The following IL33 variants were observed in gnomAD, a reference collection of about 807,000 sequenced individuals.
The protein encoded by IL33 is interleukin-33.
In IL33, 37 loss-of-function variants were observed where a neutral mutation model predicts 27.3. The ratio of observed to expected loss-of-function variants is 1.36; its 90% CI spans 1.04 to 1.78. The LOEUF is 1.78. IL33 is among the 40% of genes most tolerant of loss of function. The pLI is 0.00. For synonymous variants in IL33, 132 were observed against 102.9 expected (o/e 1.28, Z -1.71); for missense variants, 406 against 311.4 (o/e 1.30, Z -2.29).
chr9:6,224,586 T>C (rs1185877846), intron 1 of IL33, among the ~76,000 whole-genome samples: 1 of 152,190 alleles, frequency 6.6e-6, no homozygotes, highest in Non-Finnish European at 1.5e-5. Flanking sequence ...GAATCAAAAG[T>C]GACTTAATAG....
chr9:6,235,580 A>G (rs1456221213), intron 1 of IL33, among the ~76,000 whole-genome samples: 1 of 152,210 alleles, frequency 6.6e-6, no homozygotes, highest in African/African-American at 2.4e-5. Flanking sequence ...AGTGAAATCT[A>G]AACATAAATG....
intron 4 of IL33, 147 bp from the exon 5 acceptor site, chr9:6,252,719 T>C (rs1332038947): frequency 3.4e-6 from 3 of 873,042 alleles, no homozygotes; most frequent in African/African-American, 1.7e-5. Flanking sequence ...CTTTTAGCTA[T>C]GTAAAACTTG....
chr9:6,226,776 G>A lies in IL33; in HGVS notation c.-12+10924G>A, dbSNP rs1411062014. 2.6e-5 allele frequency among the ~76,000 whole-genome samples: 4 copies of A among 152,144 alleles called. No individual in the cohort carries two copies. In the East Asian group the frequency reaches 7.7e-4, roughly 29 times the overall value. On this transcript the variant is annotated intron_variant, in intron 1 of 7. Coordinates refer to ENST00000682010, the MANE Select transcript of IL33 (RefSeq NM_033439.4). ...ATTTCTGCTTGTTCTAATACACAAA[G>A]GCTTTGTGGCTTTCTGCTACCTGTT...
At chr9:6,244,911 G>T (rs1301417755) in intron 2 of IL33, among the ~76,000 whole-genome samples, 1 of 152,176 alleles carries the variant, frequency 6.6e-6, no homozygotes. Context: ...AACCACTGCA[G>T]GTGTCCCCAC....
chr9:6,216,795 G>A (rs1818165713), intron 1 of IL33, among the ~76,000 whole-genome samples: 1 of 152,118 alleles, frequency 6.6e-6, no homozygotes, highest in Admixed American at 6.5e-5. Flanking sequence ...TTCACAAAGA[G>A]GATTAGAGAT....
At chr9:6,253,061 C>T (rs1816503147) in intron 5 of IL33, 70 bp downstream of exon 5, 1 of 1,082,298 alleles carries the variant, frequency 9.2e-7, no homozygotes, top group East Asian at 2.7e-5. Context: ...AATAAATCTA[C>T]CAAACTTTAA....
chr9:6,243,162 A>G (rs1163663858), intron 2 of IL33, among the ~76,000 whole-genome samples: 4 of 152,136 alleles, frequency 2.6e-5, no homozygotes, highest in African/African-American at 7.2e-5. Context: ...GACCAAACCA[A>G]CCAAAGCCAA....
chr9:6,253,671 A>C, intron 6 of IL33, 69 bp downstream of exon 6: 3 of 1,272,060 alleles, frequency 2.4e-6, no homozygotes, highest in Non-Finnish European at 3.4e-6. Context: ...AATCCAAAAA[A>C]ATCCTTTTTG....
intron 1 of IL33, among the ~76,000 whole-genome samples, chr9:6,230,304 T>G (rs1036362663): frequency 3.3e-5 from 5 of 152,194 alleles, no homozygotes; most frequent in Non-Finnish European, 5.9e-5. Context: ...GGTATCTTTA[T>G]AGAGTATTTC....
At chr9:6,246,063 CAAAAAAAAAAAAAAAAA>C (rs71328183) in intron 2 of IL33, among the ~76,000 whole-genome samples, 9 of 49,602 alleles carry the variant, frequency 1.8e-4, no homozygotes, top group East Asian at 1.6e-3. Flanking sequence ...ACTCTGTCTC[CAAAAAAAAAAAAAAAAA>C]AAAAAAAAAA....
Position 6,254,455 on chromosome 9 carries a change from T to C in IL33, c.521-7T>C. On this transcript the variant is annotated splice_region_variant and splice_polypyrimidine_tract_variant and intron_variant, in intron 6 of 7. Transcript: ENST00000682010. ...AACTTTATCATTTATACTTTCTTAA[T>C]TGTAAGGTGACGGTGTTGATGGTAA... is the stretch of plus-strand genomic sequence containing the variant. The C allele has an allele frequency of 6.5e-7, 1 of 1,550,230 alleles. No individual in the cohort carries two copies. Among genetic ancestry groups the C allele is most frequent in the Non-Finnish European group, 8.8e-7 (1 of 1,140,178 alleles).
chr9:6,240,893 A>G (rs1174842138), intron 1 of IL33, among the ~76,000 whole-genome samples: 2 of 151,962 alleles, frequency 1.3e-5, no homozygotes, highest in African/African-American at 4.8e-5. Context: ...CTGTACAAAA[A>G]TTTCTTCCTT....
chr9:6,244,667 A>G (rs1819722300), intron 2 of IL33, among the ~76,000 whole-genome samples: 1 of 152,194 alleles, frequency 6.6e-6, no homozygotes, highest in South Asian at 2.1e-4. Context: ...TAAAACTGTG[A>G]TTATTTAAAC....
At chr9:6,217,101 A>G (rs900847302) in intron 1 of IL33, among the ~76,000 whole-genome samples, 1 of 152,130 alleles carries the variant, frequency 6.6e-6, no homozygotes, top group African/African-American at 2.4e-5. Context: ...AGGCATGTGA[A>G]AAATGGTCCT....
At chr9:6,219,743 C>T (rs1818333161) in intron 1 of IL33, among the ~76,000 whole-genome samples, 1 of 152,152 alleles carries the variant, frequency 6.6e-6, no homozygotes, top group Non-Finnish European at 1.5e-5. Flanking sequence ...TAATCACTGA[C>T]CATTTACTAA....
intron 1 of IL33, among the ~76,000 whole-genome samples, chr9:6,233,051 G>C (rs970761844): frequency 6.6e-6 from 1 of 152,022 alleles, no homozygotes; most frequent in Non-Finnish European, 1.5e-5. Flanking sequence ...TTAAGTGTAC[G>C]GTTCAGTGGC....
intron 6 of IL33, among the ~76,000 whole-genome samples, 172 bp from the exon 7 acceptor site, chr9:6,254,290 C>G (rs1469037318): frequency 6.6e-6 from 1 of 152,182 alleles, no homozygotes; most frequent in Non-Finnish European, 1.5e-5. Context: ...TAAGTACCCT[C>G]TACTTATCAG....
intron 1 of IL33, among the ~76,000 whole-genome samples, chr9:6,223,673 A>G (rs1818507566): frequency 6.6e-6 from 1 of 152,190 alleles, no homozygotes; most frequent in Admixed American, 6.6e-5. Flanking sequence ...AAGGATTTAG[A>G]AAAAGTCAAT....
At chr9:6,238,221 C>T (rs1441026138) in intron 1 of IL33, among the ~76,000 whole-genome samples, 3 of 152,164 alleles carry the variant, frequency 2.0e-5, no homozygotes, top group African/African-American at 7.2e-5. Flanking sequence ...CTGGGTGAGG[C>T]ACTTAATCTT....
Sources: gnomAD v4.1 joint callset for allele counts (sites outside exome capture counted in the v4.1 genomes callset) on GRCh38, gnomAD v4.1.1 for gene constraint, MANE v1.5 for transcripts, NCBI Gene and HGNC (gene_info 2026-07-23, HGNC 2026-07-21) for gene names.